TMEM150C: variants seen among roughly 807,000 people sequenced by gnomAD.
TMEM150C encodes the protein transmembrane protein 150C, also known as tentonin 3.
In TMEM150C, 10 loss-of-function variants were observed where a neutral mutation model predicts 29.9. That is an observed-to-expected ratio of 0.33 (90% CI 0.21 to 0.57). TMEM150C has a LOEUF of 0.57. TMEM150C is among the 20% of genes least tolerant of loss of function. The pLI, the probability that TMEM150C is intolerant of heterozygous loss-of-function variation, is 0.88. For missense variants in TMEM150C, 251 were observed against 303.6 expected, an observed-to-expected ratio of 0.83 and a Z score of 1.29; for synonymous variants, 101 against 112.5, an observed-to-expected ratio of 0.90 and a Z score of 0.64.
At chr4:82,521,812 C>T (rs559668070) in intron 1 of TMEM150C, among the ~76,000 whole-genome samples, 4 of 152,118 alleles carry the variant, frequency 2.6e-5, no homozygotes, top group East Asian at 3.9e-4. Flanking sequence ...CAGGACAGAA[C>T]GCTCAGGAGG....
intron 1 of TMEM150C, among the ~76,000 whole-genome samples, chr4:82,511,188 T>G (rs1434540485): frequency 1.3e-5 from 2 of 152,220 alleles, no homozygotes; most frequent in Non-Finnish European, 2.9e-5. Context: ...ACAATATTAT[T>G]CAATTAATGA....
Position 82,504,826 on chromosome 4 carries a change from C to A in TMEM150C, c.-10-159G>T, listed in dbSNP as rs151318519. 2.5e-3 allele frequency among the ~76,000 whole-genome samples: 384 copies of A among 152,118 alleles called. 1 individual carries two copies. The highest frequency in any genetic ancestry group is 8.7e-3 in the African/African-American group (362 of 41,530). On this transcript the variant is annotated intron_variant, in intron 1 of 7. Coordinates refer to ENST00000449862, the MANE Select transcript of TMEM150C (RefSeq NM_001080506.3). ...TGGGCGGATCACGAGGTCAGGAGATCGAGACCATCCTGGCTAACACAGTGA... is the reference window on the plus strand; with the variant it reads ...TGGGCGGATCACGAGGTCAGGAGATAGAGACCATCCTGGCTAACACAGTGA...
intron 5 of TMEM150C, among the ~76,000 whole-genome samples, chr4:82,502,249 T>A (rs1411298820): frequency 1.3e-5 from 2 of 152,224 alleles, no homozygotes; most frequent in Non-Finnish European, 2.9e-5. Context: ...CAGCTTACTA[T>A]GTCTATAGGC....
At chr4:82,552,427 G>A (rs1725609915) in intron 1 of TMEM150C, among the ~76,000 whole-genome samples, 1 of 152,124 alleles carries the variant, frequency 6.6e-6, no homozygotes, top group African/African-American at 2.4e-5. Flanking sequence ...CCTGGTGCTA[G>A]AGAAACCAGG....
intron 1 of TMEM150C, among the ~76,000 whole-genome samples, chr4:82,529,723 T>G (rs976131986): frequency 1.1e-4 from 17 of 151,888 alleles, no homozygotes; most frequent in Non-Finnish European, 1.5e-5. Flanking sequence ...AGCAGGACTG[T>G]GGAGACAGAC....
chr4:82,491,015 G>T lies in TMEM150C; in HGVS notation c.364-777C>A, dbSNP rs1431310883. On this transcript the variant is annotated intron_variant, in intron 6 of 7. Coordinates refer to ENST00000449862, the MANE Select transcript of TMEM150C (RefSeq NM_001080506.3). ...TGTCTTCCAAGTTAACCTGTGTGAA[G>T]ACAACAGTGGTGCAGGTCTTCCTGT... The T allele has an allele frequency of 9.5e-6, 7 of 737,688 alleles. No individual in the cohort carries two copies. In the Admixed American group the frequency reaches 1.1e-4, roughly 11 times the overall value. 45.7% of individuals were successfully genotyped at this position (737,688 alleles called of 1,614,324 possible).
In TMEM150C at chr4:82,485,660, C is replaced by G; in HGVS notation, c.601G>C (p.Val201Leu). The change falls in exon 8 of 8, where the codon GTC becomes CTC. Residue 201 changes from valine (V) to leucine (L), a missense_variant. By Grantham distance (32) the Val-to-Leu change is conservative. Coordinates refer to ENST00000449862, the MANE Select transcript of TMEM150C (RefSeq NM_001080506.3). ...CCAAAATAAGACAGGAAGCACATGA[C>G]CAGGCCCCACTGGACCCTGGCTGCA... ...MYAARVQWGL[V>L]MCFLSYFGTF... The G allele has an allele frequency of 6.2e-7, 1 of 1,609,668 alleles. No individual in the cohort carries two copies. The highest frequency in any genetic ancestry group is 8.5e-7 in the Non-Finnish European group (1 of 1,178,068).
chr4:82,513,946 T>C (rs912247120), intron 1 of TMEM150C, among the ~76,000 whole-genome samples: 3 of 152,328 alleles, frequency 2.0e-5, no homozygotes, highest in Admixed American at 1.3e-4. Context: ...TGAACTGCAT[T>C]AGCAAAGGGA....
intron 1 of TMEM150C, among the ~76,000 whole-genome samples, chr4:82,552,124 T>C (rs1057112292): frequency 1.3e-5 from 2 of 152,256 alleles, no homozygotes; most frequent in Middle Eastern, 3.4e-3. Context: ...CCTTCCACCA[T>C]GAGTGGAAAC....
At chr4:82,530,820 G>A (rs1469007155) in intron 1 of TMEM150C, among the ~76,000 whole-genome samples, 7 of 152,186 alleles carry the variant, frequency 4.6e-5, no homozygotes, top group Admixed American at 2.0e-4. Flanking sequence ...GAGGCCTCAG[G>A]AAACTTACCA....
chr4:82,503,753 G>A (rs1287097129), intron 2 of TMEM150C, among the ~76,000 whole-genome samples: 6 of 152,102 alleles, frequency 3.9e-5, no homozygotes, highest in African/African-American at 1.4e-4. Flanking sequence ...GGGAGGCTGA[G>A]GCGGGAGAAT....
intron 1 of TMEM150C, among the ~76,000 whole-genome samples, chr4:82,512,042 T>C (rs115686928): frequency 9.5e-4 from 144 of 152,338 alleles, no homozygotes; most frequent in Non-Finnish European, 1.7e-3. Context: ...AAGCCAATCA[T>C]AGTGATCTCA....
rs578026854 is a variant in TMEM150C at position 82,513,792 on chromosome 4, G to T, written c.-10-9125C>A. Among the ~76,000 whole-genome samples the T allele has an allele frequency of 2.6e-5, 4 of 152,262 alleles. No individual in the cohort carries two copies. The South Asian group carries it at 8.3e-4, about 32-fold the overall frequency. ...CCTCCCAACTCTACTGTCTCAGAGG[G>T]CTCCGTATAGCTGCCACTACATTGA... On this transcript the variant is annotated intron_variant, in intron 1 of 7. Coordinates refer to ENST00000449862, the MANE Select transcript of TMEM150C (RefSeq NM_001080506.3).
In TMEM150C at chr4:82,561,529, G is replaced by A. The variant is rs561705877; in HGVS notation, c.-11+377C>T. 3.2e-3 allele frequency among the ~76,000 whole-genome samples: 483 copies of A among 151,558 alleles called. 10 individuals are homozygous for A. The highest frequency in any genetic ancestry group is 0.031 in the Middle Eastern group (9 of 294). ...TAACGAGATGATGGGGCGGCGGGTG[G>A]GGACACCTGTCAAAGGACGGGGCCG... On this transcript the variant is annotated intron_variant, in intron 1 of 7. Coordinates refer to ENST00000449862, the MANE Select transcript of TMEM150C (RefSeq NM_001080506.3).
At chr4:82,498,849 G>C (rs1345392507) in intron 5 of TMEM150C, among the ~76,000 whole-genome samples, 1 of 152,126 alleles carries the variant, frequency 6.6e-6, no homozygotes, top group Non-Finnish European at 1.5e-5. Flanking sequence ...GTTGCTAGCT[G>C]TCCTATTTGT....
chr4:82,528,047 A>G (rs1724711543), intron 1 of TMEM150C, among the ~76,000 whole-genome samples: 1 of 152,256 alleles, frequency 6.6e-6, no homozygotes, highest in Non-Finnish European at 1.5e-5. Flanking sequence ...AAAGATTAAT[A>G]TTAACCTTAG....
chr4:82,504,720 C>A (rs1723853772), intron 1 of TMEM150C, 53 bp from the exon 2 acceptor site: 2 of 1,468,498 alleles, frequency 1.4e-6, no homozygotes, highest in Admixed American at 1.9e-5. Flanking sequence ...TTACTTCACT[C>A]TTTCAAGATA....
chr4:82,495,100 T>G, intron 6 of TMEM150C: 1 of 849,230 alleles, frequency 1.2e-6, no homozygotes, highest in South Asian at 1.9e-5. Context: ...CCTTCTTTGT[T>G]TAAGGGCTTT....
intron 1 of TMEM150C, among the ~76,000 whole-genome samples, chr4:82,559,849 A>T (rs1336799092): frequency 1.3e-5 from 2 of 152,222 alleles, no homozygotes; most frequent in African/African-American, 4.8e-5. Context: ...GATTGCAGTG[A>T]AACCAAATGG....
Sources: gnomAD v4.1 joint callset for allele counts (sites outside exome capture counted in the v4.1 genomes callset) on GRCh38, gnomAD v4.1.1 for gene constraint, MANE v1.5 for transcripts, NCBI Gene and HGNC (gene_info 2026-07-23, HGNC 2026-07-21) for gene names.